Variants in DPYD observed in about 807,000 individuals in gnomAD.
The protein encoded by DPYD is dihydropyrimidine dehydrogenase.
DPYD carries 109 observed loss-of-function variants against 116.2 expected under a neutral mutation model. The ratio of observed to expected loss-of-function variants is 0.94; its 90% CI spans 0.80 to 1.10. The LOEUF is 1.10. Among genes scored for constraint, DPYD ranks in the 50% least tolerant of loss-of-function variants. The pLI, the probability that DPYD is intolerant of heterozygous loss-of-function variation, is 0.00. For synonymous variants in DPYD, 440 were observed against 432.0 expected (o/e 1.02, Z -0.23); for missense variants, 1,302 against 1,254.5 (o/e 1.04, Z -0.57).
intron 21 of DPYD, among the ~76,000 whole-genome samples, chr1:97,093,498 G>C (rs2101583605): frequency 6.6e-6 from 1 of 152,204 alleles, no homozygotes; most frequent in South Asian, 2.1e-4. Context: ...CATTTATTTA[G>C]GACACATTTG....
At chr1:97,673,251 G>C (rs1401662960) in intron 8 of DPYD, among the ~76,000 whole-genome samples, 3 of 151,978 alleles carry the variant, frequency 2.0e-5, no homozygotes, top group African/African-American at 7.3e-5. Context: ...AGAGTTAAAA[G>C]GATAGATCAT....
Position 97,306,157 on chromosome 1 carries a change from G to T in DPYD, c.2179+20C>A. 6.2e-7 allele frequency: 1 copy of T among 1,611,928 alleles called. No homozygotes were observed. Among genetic ancestry groups the T allele is most frequent in the South Asian group, 1.1e-5 (1 of 91,024 alleles). On this transcript the variant is annotated intron_variant, in intron 17 of 22. Coordinates refer to ENST00000370192, the MANE Select transcript of DPYD (RefSeq NM_000110.4). ...CCAATATTTACAATAGCGGGCAACTGATTCAAGTCAAGTTCTTACCTTCCT... is the reference window on the plus strand; with the variant it reads ...CCAATATTTACAATAGCGGGCAACTTATTCAAGTCAAGTTCTTACCTTCCT...
At chr1:97,800,214 ATAG>A (rs1667779399) in intron 3 of DPYD, among the ~76,000 whole-genome samples, 1 of 151,988 alleles carries the variant, frequency 6.6e-6, no homozygotes. Context: ...TTGTTTGCAC[ATAG>A]TAGGTGAGCA....
At chr1:97,240,515 A>G (rs1053093897) in intron 18 of DPYD, among the ~76,000 whole-genome samples, 2 of 152,022 alleles carry the variant, frequency 1.3e-5, no homozygotes, top group Non-Finnish European at 2.9e-5. Flanking sequence ...AGTCCACAAT[A>G]AACTCCCTGA....
At chr1:97,583,761 AAT>A (rs958497695) in intron 10 of DPYD, among the ~76,000 whole-genome samples, 3 of 151,586 alleles carry the variant, frequency 2.0e-5, no homozygotes, top group African/African-American at 7.3e-5. Flanking sequence ...AATGTGACGC[AAT>A]ATTTTTTTTA....
intron 14 of DPYD, among the ~76,000 whole-genome samples, chr1:97,427,124 T>C (rs1394100980): frequency 6.6e-6 from 1 of 152,118 alleles, no homozygotes; most frequent in Non-Finnish European, 1.5e-5. Flanking sequence ...CTACAACTAC[T>C]ACCTCGGGAT....
chr1:97,663,458 A>G (rs1180310146), intron 8 of DPYD, among the ~76,000 whole-genome samples: 1 of 152,038 alleles, frequency 6.6e-6, no homozygotes, highest in East Asian at 1.9e-4. Context: ...CATTCATTGT[A>G]TTTCCTTATG....
At chr1:97,249,419 G>T (rs1662934590) in intron 18 of DPYD, among the ~76,000 whole-genome samples, 1 of 152,058 alleles carries the variant, frequency 6.6e-6, no homozygotes, top group African/African-American at 2.4e-5. Flanking sequence ...GGAAAAAAAT[G>T]AAACCATGGC....
chr1:97,528,753 C>T (rs183944117), intron 12 of DPYD, among the ~76,000 whole-genome samples: 1 of 152,248 alleles, frequency 6.6e-6, no homozygotes, highest in Admixed American at 6.5e-5. Context: ...TTATTTTTGA[C>T]TCCATTCTCT....
At chr1:97,338,519 C>T (rs1027425243) in intron 16 of DPYD, among the ~76,000 whole-genome samples, 10 of 152,162 alleles carry the variant, frequency 6.6e-5, no homozygotes, top group African/African-American at 1.7e-4. Context: ...AAGAAGAGCA[C>T]GTCTGCCAAG....
chr1:97,736,820 A>AT (rs1663970332), intron 4 of DPYD, among the ~76,000 whole-genome samples: 1 of 150,580 alleles, frequency 6.6e-6, no homozygotes, highest in African/African-American at 2.5e-5. Context: ...AATATAACAG[A>AT]GATAGAGGTG....
At chr1:97,542,226 A>G (rs1180457844) in intron 12 of DPYD, among the ~76,000 whole-genome samples, 1 of 152,104 alleles carries the variant, frequency 6.6e-6, no homozygotes, top group Admixed American at 6.5e-5. Flanking sequence ...CAGAGCTTCC[A>G]TTTGTCCACC....
intron 1 of DPYD, among the ~76,000 whole-genome samples, chr1:97,916,660 TC>T (rs1178054316): frequency 1.3e-5 from 2 of 152,152 alleles, no homozygotes; most frequent in African/African-American, 4.8e-5. Context: ...TCCATCAAGA[TC>T]CATCATTAGT....
At chr1:97,798,954 T>A (rs577900712) in intron 3 of DPYD, among the ~76,000 whole-genome samples, 1 of 152,116 alleles carries the variant, frequency 6.6e-6, no homozygotes, top group East Asian at 1.9e-4. Context: ...CTTATGAGAC[T>A]CCCATCTTCA....
chr1:97,822,921 C>T (rs569984836), intron 3 of DPYD, among the ~76,000 whole-genome samples: 2 of 152,334 alleles, frequency 1.3e-5, no homozygotes, highest in East Asian at 3.9e-4. Context: ...TTTTTAAAAT[C>T]TGTCATACAT....
At chr1:97,411,520 GA>G (rs898362915) in intron 14 of DPYD, among the ~76,000 whole-genome samples, 26 of 144,910 alleles carry the variant, frequency 1.8e-4, no homozygotes, top group South Asian at 4.4e-4. Context: ...AACAACAATA[GA>G]AAAAAAAAAG....
chr1:97,292,291 A>G (rs1446146283), intron 18 of DPYD, among the ~76,000 whole-genome samples: 1 of 152,190 alleles, frequency 6.6e-6, no homozygotes, highest in Non-Finnish European at 1.5e-5. Flanking sequence ...TAAAAGAAAG[A>G]GATTTAATTC....
intron 20 of DPYD, among the ~76,000 whole-genome samples, chr1:97,154,759 G>T (rs1760210): frequency 2.6e-5 from 4 of 151,028 alleles, no homozygotes; most frequent in Non-Finnish European, 5.9e-5. Flanking sequence ...AGGGGTGAGA[G>T]GGGGGTGAGG....
At chr1:97,403,154 T>C (rs1056082959) in intron 14 of DPYD, among the ~76,000 whole-genome samples, 9 of 152,070 alleles carry the variant, frequency 5.9e-5, no homozygotes, top group Non-Finnish European at 1.0e-4. Context: ...GCTCCTTGAC[T>C]TACGATGGGG....
Sources: allele counts gnomAD v4.1 joint callset (sites outside exome capture counted in the v4.1 genomes callset), GRCh38; gene constraint gnomAD v4.1.1; transcripts MANE v1.5; gene names NCBI Gene and HGNC (gene_info 2026-07-23, HGNC 2026-07-21).